Variants in CDH18 observed in about 807,000 individuals in gnomAD.
CDH18 encodes cadherin-18.
In CDH18, 31 loss-of-function variants were observed where a neutral mutation model predicts 67.9. The observed-to-expected ratio is 0.46, with a 90% CI of 0.34 to 0.62. The LOEUF is 0.62. Ranked by LOEUF, CDH18 falls within the 20% of genes least tolerant of loss-of-function variation. CDH18 has a pLI of 0.01. For synonymous variants in CDH18, 362 were observed against 347.2 expected (o/e 1.04, Z -0.48); for missense variants, 890 against 975.5 (o/e 0.91, Z 1.17).
chr5:19,782,190 G>A (rs114759688), intron 3 of CDH18, among the ~76,000 whole-genome samples: 7,074 of 152,124 alleles, frequency 0.047, 349 homozygotes, highest in African/African-American at 0.13. Context: ...GGCCTCAGGA[G>A]ACTCACAATC....
chr5:20,226,819 G>C (rs561738736), intron 2 of CDH18, among the ~76,000 whole-genome samples: 4 of 152,030 alleles, frequency 2.6e-5, no homozygotes, highest in African/African-American at 9.6e-5. Context: ...GTCAGCAGAG[G>C]AGCAGAGGAG....
chr5:19,826,237 G>A (rs1312387210), intron 3 of CDH18, among the ~76,000 whole-genome samples: 1 of 152,118 alleles, frequency 6.6e-6, no homozygotes, highest in East Asian at 1.9e-4. Flanking sequence ...TATGTAAAGA[G>A]ACCAAATCTA....
chr5:19,502,199 T>C (rs1743362600), intron 11 of CDH18, among the ~76,000 whole-genome samples: 1 of 152,190 alleles, frequency 6.6e-6, no homozygotes, highest in Non-Finnish European at 1.5e-5. Flanking sequence ...TGCCACTGTT[T>C]TCTGCATGTG....
chr5:20,538,898 G>GT (rs376091293), intron 1 of CDH18, among the ~76,000 whole-genome samples: 19,658 of 105,564 alleles, frequency 0.19, 4,331 homozygotes, highest in East Asian at 0.34. Flanking sequence ...ATAGCCAACT[G>GT]TTTTTTTTTT....
At chr5:19,675,780 T>TATTG (rs1257646647) in intron 5 of CDH18, among the ~76,000 whole-genome samples, 1 of 151,660 alleles carries the variant, frequency 6.6e-6, no homozygotes, top group African/African-American at 2.4e-5. Context: ...ATCACAAGAG[T>TATTG]ATTGATTGGG....
intron 1 of CDH18, among the ~76,000 whole-genome samples, chr5:20,340,894 T>C (rs1740201989): frequency 6.6e-6 from 1 of 152,116 alleles, no homozygotes; most frequent in Admixed American, 6.5e-5. Flanking sequence ...TTTTGAATCA[T>C]GCCTGAAAGC....
intron 2 of CDH18, among the ~76,000 whole-genome samples, chr5:20,245,198 A>G (rs2126568598): frequency 6.6e-6 from 1 of 152,220 alleles, no homozygotes; most frequent in Admixed American, 6.5e-5. Flanking sequence ...ATACAAAACA[A>G]TCTGGATACA....
chr5:19,490,450 A>G (rs1741269066), intron 11 of CDH18, among the ~76,000 whole-genome samples: 1 of 108,092 alleles, frequency 9.3e-6, no homozygotes, highest in South Asian at 3.2e-4. Flanking sequence ...CTCTGTCACC[A>G]GGCTGGGGCA....
intron 2 of CDH18, among the ~76,000 whole-genome samples, chr5:20,221,792 A>G (rs1180709807): frequency 2.0e-5 from 3 of 152,116 alleles, no homozygotes; most frequent in Non-Finnish European, 4.4e-5. Context: ...ATAAATAACA[A>G]CAAAAATCAA....
At chr5:20,017,216 A>G (rs575800865) in intron 2 of CDH18, among the ~76,000 whole-genome samples, 4 of 152,156 alleles carry the variant, frequency 2.6e-5, no homozygotes, top group Non-Finnish European at 5.9e-5. Flanking sequence ...TTCCCTTGGA[A>G]AGTTGGCTTT....
intron 1 of CDH18, among the ~76,000 whole-genome samples, chr5:20,413,789 T>A (rs1747016004): frequency 6.6e-6 from 1 of 152,328 alleles, no homozygotes; most frequent in Admixed American, 6.5e-5. Flanking sequence ...AGTAGTTTCT[T>A]TTGCTGTGCA....
At chr5:20,411,938 C>T (rs1163769711) in intron 1 of CDH18, among the ~76,000 whole-genome samples, 2 of 152,072 alleles carry the variant, frequency 1.3e-5, no homozygotes, top group Non-Finnish European at 2.9e-5. Flanking sequence ...GGATCAATAT[C>T]ATTAAAATAG....
intron 5 of CDH18, among the ~76,000 whole-genome samples, chr5:19,647,888 TAGAG>T (rs140788418): frequency 0.038 from 5,797 of 152,162 alleles, 319 homozygotes; most frequent in African/African-American, 0.12. Flanking sequence ...AGAAAATCAA[TAGAG>T]AAACAATTCA....
At chr5:20,463,914 G>C (rs1751453573) in intron 1 of CDH18, among the ~76,000 whole-genome samples, 1 of 152,096 alleles carries the variant, frequency 6.6e-6, no homozygotes, top group Non-Finnish European at 1.5e-5. Flanking sequence ...CCAGCCAGAG[G>C]ACATGCTGAT....
intron 1 of CDH18, among the ~76,000 whole-genome samples, chr5:20,294,789 TTG>T (rs1385664385): frequency 6.6e-6 from 1 of 152,194 alleles, no homozygotes; most frequent in East Asian, 1.9e-4. Flanking sequence ...GTGTTTTTGC[TTG>T]TGTGTTTACT....
At chr5:20,042,050 A>G (rs1176818640) in intron 2 of CDH18, among the ~76,000 whole-genome samples, 1 of 152,248 alleles carries the variant, frequency 6.6e-6, no homozygotes, top group African/African-American at 2.4e-5. Context: ...CATATGAGTG[A>G]AGCTGTGAGT....
intron 1 of CDH18, among the ~76,000 whole-genome samples, chr5:20,433,390 ATAAAG>A (rs1274963973): frequency 1.3e-5 from 2 of 152,050 alleles, no homozygotes; most frequent in Non-Finnish European, 2.9e-5. Context: ...TGTTTTCTAC[ATAAAG>A]TATTGTCTCA....
At chr5:20,011,927 T>C (rs1737475407) in intron 2 of CDH18, among the ~76,000 whole-genome samples, 1 of 152,154 alleles carries the variant, frequency 6.6e-6, no homozygotes, top group African/African-American at 2.4e-5. Context: ...TGCCAGGTTT[T>C]GGTATCAGAA....
rs1412368599 is a variant in CDH18 at position 20,372,693 on chromosome 5, C to T, written c.-579-117188G>A. On this transcript the variant is annotated intron_variant, in intron 1 of 14. Coordinates refer to the CDH18 transcript ENST00000507958. ...CCAACAGGGAGATATTATTTGTAAG[C>T]ATGATAGCAAACATTAGTTGATCTC... Among the ~76,000 whole-genome samples, 6 of 152,110 alleles carry T rather than the reference C, an allele frequency of 3.9e-5. No individual in the cohort carries two copies. In the East Asian group the frequency reaches 1.2e-3, roughly 29 times the overall value.
Sources: gnomAD v4.1 joint callset for allele counts (sites outside exome capture counted in the v4.1 genomes callset) on GRCh38, gnomAD v4.1.1 for gene constraint, MANE v1.5 for transcripts, NCBI Gene and HGNC (gene_info 2026-07-23, HGNC 2026-07-21) for gene names.